Variants in ANKRD31 observed in about 807,000 individuals in gnomAD.
The protein encoded by ANKRD31 is ankyrin repeat domain-containing protein 31.
ANKRD31 carries 147 observed loss-of-function variants against 186.0 expected under a neutral mutation model. That is an observed-to-expected ratio of 0.79 (90% CI 0.69 to 0.91). ANKRD31 has a LOEUF of 0.91. Ranked by LOEUF, ANKRD31 falls within the 40% of genes least tolerant of loss-of-function variation. ANKRD31 has a pLI of 0.00. For synonymous variants in ANKRD31, 673 were observed against 736.4 expected, an observed-to-expected ratio of 0.91 and a Z score of 1.39; for missense variants, 1,986 against 2,148.8, an observed-to-expected ratio of 0.92 and a Z score of 1.50.
At chr5:75,147,953 C>A (rs1030530658) in intron 13 of ANKRD31, among the ~76,000 whole-genome samples, 25 of 151,720 alleles carry the variant, frequency 1.6e-4, no homozygotes, top group Non-Finnish European at 8.8e-5. Flanking sequence ...TCAAAGAAAG[C>A]AGATTCCAGT....
At chr5:75,095,311 T>C (rs971804414) in intron 22 of ANKRD31, among the ~76,000 whole-genome samples, 4 of 150,340 alleles carry the variant, frequency 2.7e-5, no homozygotes, top group Non-Finnish European at 5.9e-5. Context: ...CTACTAAAAA[T>C]ACAAAAAAAA....
chr5:75,128,613 C>T (rs1300950005), intron 17 of ANKRD31, among the ~76,000 whole-genome samples: 1 of 151,582 alleles, frequency 6.6e-6, no homozygotes, highest in Non-Finnish European at 1.5e-5. Context: ...CAGCCATTCT[C>T]CTGCCTCAGC....
intron 22 of ANKRD31, among the ~76,000 whole-genome samples, chr5:75,094,988 C>T (rs1312002061): frequency 6.6e-6 from 1 of 151,808 alleles, no homozygotes; most frequent in Admixed American, 6.6e-5. Flanking sequence ...GAAGATATAA[C>T]AATTATAAAC....
At chr5:75,165,525 C>G (rs1025635295) in intron 11 of ANKRD31, among the ~76,000 whole-genome samples, 8 of 152,090 alleles carry the variant, frequency 5.3e-5, no homozygotes, top group African/African-American at 1.9e-4. Flanking sequence ...ATGAAAATAT[C>G]AGCATAAACT....
At position 75,068,370 on chromosome 5, in the gene ANKRD31, C is replaced by T; in HGVS notation, c.*149G>A. ...ATCTTATATAATTGTTGAACAGTTACATACATCTTAAGAACAGTAAACATA... is the reference window on the plus strand; with the variant it reads ...ATCTTATATAATTGTTGAACAGTTATATACATCTTAAGAACAGTAAACATA... On this transcript the variant is annotated 3_prime_UTR_variant, in exon 26 of 26. Transcript: ENST00000506364. 1.4e-6 allele frequency: 1 copy of T among 695,114 alleles called. No homozygotes were observed. 43.1% of individuals were successfully genotyped at this position (695,114 alleles called of 1,614,324 possible). A position where few individuals can be genotyped will look rare whatever the true frequency, so the allele number is the denominator to read the frequency against.
In ANKRD31 at chr5:75,107,684, A is replaced by G; in HGVS notation, c.4244-67T>C. ...TGAATGTCAAATTTGGTCATACGAG[A>G]ATTAGCCCTATTGTTAATTTTAAAA... On this transcript the variant is annotated intron_variant, in intron 20 of 25. Transcript: ENST00000506364. 3.4e-6 allele frequency: 3 copies of G among 891,890 alleles called. No homozygotes were observed. The South Asian group carries it at 5.0e-5, about 15-fold the overall frequency. The allele number at this position is 891,890 out of a possible 1,614,324, so 55.2% of individuals were successfully genotyped here. A position where few individuals can be genotyped will look rare whatever the true frequency, so the allele number is the denominator to read the frequency against.
At chr5:75,139,676 G>A (rs771044433) in intron 15 of ANKRD31, among the ~76,000 whole-genome samples, 11 of 152,090 alleles carry the variant, frequency 7.2e-5, no homozygotes, top group Non-Finnish European at 1.2e-4. Flanking sequence ...GTCAATGATG[G>A]AGAACAGTGA....
chr5:75,232,256 GTTTT>G (rs1300675782), intron 1 of ANKRD31, among the ~76,000 whole-genome samples: 2 of 151,936 alleles, frequency 1.3e-5, no homozygotes, highest in Non-Finnish European at 2.9e-5. Flanking sequence ...ATGTTGTGAG[GTTTT>G]TTGTTTGTTT....
chr5:75,098,359 T>C lies in ANKRD31; in HGVS notation c.5331+5869A>G, dbSNP rs142500438. Among the ~76,000 whole-genome samples, 627 of 152,300 alleles carry C rather than the reference T, an allele frequency of 4.1e-3. 4 individuals carry two copies. Among genetic ancestry groups the C allele is most frequent in the African/African-American group, 0.014 (602 of 41,568 alleles). On this transcript the variant is annotated intron_variant, in intron 22 of 25. Transcript: ENST00000506364. ...CCTTGTAGTATACTTTGAACTCAGG[T>C]AGCGTGATGCCTCCAGCTTTGTTCT... is the stretch of plus-strand genomic sequence containing the variant.
intron 6 of ANKRD31, among the ~76,000 whole-genome samples, chr5:75,197,624 T>C (rs1037872014): frequency 2.6e-5 from 4 of 152,156 alleles, no homozygotes; most frequent in African/African-American, 9.7e-5. Context: ...TGCAAGAAAT[T>C]CAAGAACCAG....
Position 75,104,591 on chromosome 5 carries a change from G to C in ANKRD31, c.4968C>G (p.Ala1656=). 1 of 1,536,300 alleles carries C rather than the reference G, an allele frequency of 6.5e-7. No individual in the cohort carries two copies. Residue 1656 remains alanine, a synonymous_variant, in exon 22 of 26, where the codon GCC becomes GCG. Transcript: ENST00000506364. The part of the protein sequence containing the change: ...ETASVLAENA[A]HPSNIICDQD... ...GATCACAAATAATATTTGATGGATG[G>C]GCAGCATTTTCGGCAAGGACACTTG...
chr5:75,098,126 G>A (rs1746486480), intron 22 of ANKRD31, among the ~76,000 whole-genome samples: 1 of 151,960 alleles, frequency 6.6e-6, no homozygotes, highest in South Asian at 2.1e-4. Context: ...CCGAGTAGCT[G>A]GGACTACAGG....
At chr5:75,188,875 A>C (rs1172557817) in intron 9 of ANKRD31, among the ~76,000 whole-genome samples, 2 of 152,222 alleles carry the variant, frequency 1.3e-5, no homozygotes, top group African/African-American at 4.8e-5. Context: ...CACTAGTCTT[A>C]AAATATTTGA....
At chr5:75,168,018 TCTC>T (rs1195013379) in intron 11 of ANKRD31, among the ~76,000 whole-genome samples, 1 of 152,078 alleles carries the variant, frequency 6.6e-6, no homozygotes, top group Middle Eastern at 3.2e-3. Flanking sequence ...GGAAGAATTC[TCTC>T]CTCCTAGTCC....
intron 1 of ANKRD31, among the ~76,000 whole-genome samples, chr5:75,235,853 C>T (rs941035434): frequency 2.0e-5 from 3 of 152,138 alleles, no homozygotes; most frequent in Admixed American, 6.5e-5. Context: ...AGTGAAAAGG[C>T]TAACACTCAA....
intron 5 of ANKRD31, among the ~76,000 whole-genome samples, chr5:75,203,641 C>T (rs1325802930): frequency 7.1e-5 from 9 of 126,922 alleles, no homozygotes; most frequent in Admixed American, 6.5e-4. Context: ...CCAGCCTGGG[C>T]GAAAGAGAGA....
chr5:75,206,247 A>T (rs1756207579), intron 5 of ANKRD31, among the ~76,000 whole-genome samples, 164 bp downstream of exon 5: 2 of 7,006 alleles, frequency 2.9e-4, no homozygotes, highest in East Asian at 8.3e-3. Flanking sequence ...AAAAAAAAAA[A>T]AATATATATA....
chr5:75,155,414 C>T (rs1460076744), intron 11 of ANKRD31, among the ~76,000 whole-genome samples: 1 of 152,140 alleles, frequency 6.6e-6, no homozygotes, highest in Non-Finnish European at 1.5e-5. Flanking sequence ...GACTACACTT[C>T]CTCATTCTTT....
At chr5:75,206,250 T>A (rs10075807) in intron 5 of ANKRD31, among the ~76,000 whole-genome samples, 161 bp downstream of exon 5, 239 of 1,978 alleles carry the variant, frequency 0.12, 19 homozygotes, top group South Asian at 0.27. Context: ...AAAAAAAAAA[T>A]ATATATATAT....
Sources: allele counts gnomAD v4.1 joint callset (sites outside exome capture counted in the v4.1 genomes callset), GRCh38; gene constraint gnomAD v4.1.1; transcripts MANE v1.5; gene names NCBI Gene and HGNC (gene_info 2026-07-23, HGNC 2026-07-21).